Variants in CHD6 observed in about 807,000 individuals in gnomAD.
CHD6 encodes the protein ATP-dependent chromatin remodeler CHD6.
In CHD6, 50 loss-of-function variants were observed where a neutral mutation model predicts 276.9. The observed-to-expected ratio is 0.18, with a 90% confidence interval of 0.14 to 0.23. CHD6 has a LOEUF of 0.23. Ranked by LOEUF, CHD6 falls within the 10% of genes least tolerant of loss-of-function variation. The pLI, the probability that CHD6 is intolerant of heterozygous loss-of-function variation, is 1.00. For missense variants in CHD6, 2,564 were observed against 3,365.8 expected (o/e 0.76, Z 5.89); for synonymous variants, 1,173 against 1,229.3 (o/e 0.95, Z 0.96).
chr20:41,534,528 A>G (rs1444542410), intron 2 of CHD6, among the ~76,000 whole-genome samples: 3 of 150,866 alleles, frequency 2.0e-5, no homozygotes. Context: ...GCTCCCAAAC[A>G]TAACACTGAG....
chr20:41,522,050 T>C (rs1259117985), intron 3 of CHD6, among the ~76,000 whole-genome samples: 2 of 152,066 alleles, frequency 1.3e-5, no homozygotes, highest in Non-Finnish European at 2.9e-5. Flanking sequence ...AGTTAGAAAA[T>C]AATTTTGAGG....
chr20:41,487,446 A>G (rs531277533), intron 14 of CHD6, among the ~76,000 whole-genome samples: 2 of 152,194 alleles, frequency 1.3e-5, no homozygotes, highest in African/African-American at 2.4e-5. Flanking sequence ...GGCGCATAAG[A>G]TATTTTGGGT....
intron 13 of CHD6, among the ~76,000 whole-genome samples, 170 bp downstream of exon 13, chr20:41,488,258 G>T (rs2043466196): frequency 6.6e-6 from 1 of 152,290 alleles, no homozygotes; most frequent in African/African-American, 2.4e-5. Flanking sequence ...GACCCAGTTT[G>T]TAACCAAAAA....
At chr20:41,555,529 C>T (rs2045218894) in intron 1 of CHD6, among the ~76,000 whole-genome samples, 1 of 150,602 alleles carries the variant, frequency 6.6e-6, no homozygotes, top group Admixed American at 6.6e-5. Context: ...CTCCTCACTT[C>T]TCAGATGGGG....
At chr20:41,508,675 T>G (rs2044036731) in intron 5 of CHD6, among the ~76,000 whole-genome samples, 2 of 152,140 alleles carry the variant, frequency 1.3e-5, no homozygotes, top group Non-Finnish European at 2.9e-5. Context: ...GACAGAAGCC[T>G]TATGATGAAC....
intron 10 of CHD6, 79 bp downstream of exon 10, chr20:41,493,459 C>CT: frequency 7.1e-7 from 1 of 1,416,084 alleles, no homozygotes; most frequent in Non-Finnish European, 9.8e-7. Context: ...TAGGAACAAG[C>CT]CAGGTGGACT....
intron 16 of CHD6, among the ~76,000 whole-genome samples, chr20:41,481,821 TAAAG>T (rs1186625594): frequency 4.0e-5 from 6 of 151,538 alleles, no homozygotes; most frequent in East Asian, 1.9e-4. Flanking sequence ...TGTAGAAAAA[TAAAG>T]AAAAAAATTT....
intron 1 of CHD6, among the ~76,000 whole-genome samples, chr20:41,560,246 C>G (rs2045287586): frequency 6.6e-6 from 1 of 152,184 alleles, no homozygotes; most frequent in South Asian, 2.1e-4. Context: ...AAAACATATT[C>G]CTCATAACAC....
chr20:41,556,726 T>C (rs2045243023), intron 1 of CHD6, among the ~76,000 whole-genome samples: 1 of 152,180 alleles, frequency 6.6e-6, no homozygotes, highest in Non-Finnish European at 1.5e-5. Context: ...ACCAGCATGC[T>C]GCCACCCCAC....
At chr20:41,599,380 C>T (rs1299452082) in intron 1 of CHD6, among the ~76,000 whole-genome samples, 1 of 152,142 alleles carries the variant, frequency 6.6e-6, no homozygotes, top group South Asian at 2.1e-4. Flanking sequence ...ATAGATTACC[C>T]CTTCTCTGGT....
At chr20:41,592,258 C>A (rs986081637) in intron 1 of CHD6, among the ~76,000 whole-genome samples, 1 of 151,870 alleles carries the variant, frequency 6.6e-6, no homozygotes, top group African/African-American at 2.4e-5. Context: ...TACCTAATTT[C>A]TTTTTTTTAA....
chr20:41,615,241 T>C (rs1318701021), intron 1 of CHD6, among the ~76,000 whole-genome samples: 2 of 152,124 alleles, frequency 1.3e-5, no homozygotes, highest in Admixed American at 6.5e-5. Flanking sequence ...CAAAGATATT[T>C]TTCCCAACTC....
intron 2 of CHD6, among the ~76,000 whole-genome samples, chr20:41,539,911 T>G (rs187421466): frequency 6.6e-6 from 1 of 152,180 alleles, no homozygotes; most frequent in Non-Finnish European, 1.5e-5. Context: ...ATGTCTACAT[T>G]TGGGAAGCAA....
At position 41,533,541 on chromosome 20, in the gene CHD6, G is replaced by A. The variant is rs982159332; in HGVS notation, c.63C>T (p.Ser21=). Reference sequence around the variant, plus strand: ...AATTGACAGAGGCATCAGACATTGGGGAGTGATTCAAAACTTTTAAATTTG... The same window carrying A: ...AATTGACAGAGGCATCAGACATTGGAGAGTGATTCAAAACTTTTAAATTTG... ...QLSNLKVLNH[S]PMSDASVNFD... is the part of the protein sequence containing the mutation. The change falls in exon 3 of 37, where the codon TCC becomes TCT. Residue 21 remains serine (S), a synonymous_variant. Transcript: ENST00000373233. 1 of 1,609,520 alleles carries A rather than the reference G, an allele frequency of 6.2e-7. No individual in the cohort carries two copies. Among genetic ancestry groups the A allele is most frequent in the Non-Finnish European group, 8.5e-7 (1 of 1,179,356 alleles).
intron 19 of CHD6, among the ~76,000 whole-genome samples, chr20:41,455,123 T>G (rs1445079273): frequency 1.3e-5 from 2 of 152,202 alleles, no homozygotes; most frequent in African/African-American, 4.8e-5. Context: ...GAAAAGGTAT[T>G]AGGCTGGGCA....
rs184076943 is a variant in CHD6 at position 41,494,860 on chromosome 20, C to T, written c.1093-916G>A. Among the ~76,000 whole-genome samples the T allele has an allele frequency of 3.9e-3, 593 of 152,310 alleles. 2 individuals carry two copies. Among genetic ancestry groups the T allele is most frequent in the Middle Eastern group, 0.014 (4 of 294 alleles). On this transcript the variant is annotated intron_variant, in intron 8 of 36. Coordinates refer to ENST00000373233, the MANE Select transcript of CHD6 (RefSeq NM_032221.5). ...TACCCTTCAAGACCTGATTCACTGT[C>T]GAAACAGCTTTATCTCTACCTCTTT...
chr20:41,451,529 G>A (rs1361040717), intron 22 of CHD6, among the ~76,000 whole-genome samples: 1 of 152,150 alleles, frequency 6.6e-6, no homozygotes, highest in African/African-American at 2.4e-5. Flanking sequence ...AATGCAAAAG[G>A]CAAGTCACTG....
chr20:41,547,704 C>T (rs2045069511), intron 2 of CHD6: 1 of 672,636 alleles, frequency 1.5e-6, no homozygotes, highest in Non-Finnish European at 2.6e-6. Flanking sequence ...CAGAAAGAAA[C>T]AGAAAAACAT....
intron 6 of CHD6, among the ~76,000 whole-genome samples, chr20:41,498,942 T>C (rs1186023821): frequency 4.0e-5 from 6 of 151,870 alleles, no homozygotes; most frequent in African/African-American, 1.5e-4. Context: ...CTCAAAGTGA[T>C]GGGATTATAG....
Sources: gnomAD v4.1 joint callset for allele counts (sites outside exome capture counted in the v4.1 genomes callset) on GRCh38, gnomAD v4.1.1 for gene constraint, MANE v1.5 for transcripts, NCBI Gene and HGNC (gene_info 2026-07-23, HGNC 2026-07-21) for gene names.